Variants in CDH13 observed in about 807,000 individuals in gnomAD.
CDH13 encodes cadherin-13.
In CDH13, 24 loss-of-function variants were observed where a neutral mutation model predicts 63.8. That is an observed-to-expected ratio of 0.38 (90% CI 0.27 to 0.53). CDH13 has a LOEUF of 0.53. Among genes scored for constraint, CDH13 ranks in the 20% least tolerant of loss-of-function variants. CDH13 has a pLI of 0.85. For synonymous variants in CDH13, 503 were observed against 355.3 expected, an observed-to-expected ratio of 1.42 and a Z score of -4.67; for missense variants, 1,049 against 903.1, an observed-to-expected ratio of 1.16 and a Z score of -2.07.
At chr16:83,737,937 G>A (rs897392716) in intron 10 of CDH13, among the ~76,000 whole-genome samples, 1 of 152,294 alleles carries the variant, frequency 6.6e-6, no homozygotes, top group South Asian at 2.1e-4. Flanking sequence ...GTAAAATAAG[G>A]TGGTAATATC....
intron 3 of CDH13, among the ~76,000 whole-genome samples, chr16:83,033,519 ATATG>A (rs1916571645): frequency 6.6e-6 from 1 of 152,106 alleles, no homozygotes; most frequent in South Asian, 2.1e-4. Flanking sequence ...TATACTGTGT[ATATG>A]TATGTGTGTA....
intron 6 of CDH13, among the ~76,000 whole-genome samples, chr16:83,360,761 A>G (rs1195018112): frequency 6.6e-6 from 1 of 152,166 alleles, no homozygotes; most frequent in Non-Finnish European, 1.5e-5. Flanking sequence ...TTCCAGCTGT[A>G]TCCATGTTGC....
intron 5 of CDH13, among the ~76,000 whole-genome samples, chr16:83,319,485 A>G (rs2090175557): frequency 6.6e-6 from 1 of 152,218 alleles, no homozygotes; most frequent in African/African-American, 2.4e-5. Flanking sequence ...TGTTGTTTCT[A>G]GGCATGTGAA....
chr16:83,072,209 C>G (rs1204942764), intron 3 of CDH13, among the ~76,000 whole-genome samples: 1 of 152,108 alleles, frequency 6.6e-6, no homozygotes, highest in Non-Finnish European at 1.5e-5. Context: ...AGTGGAAATC[C>G]TTGCTCTGTA....
At chr16:83,248,198 A>C (rs1407101918) in intron 5 of CDH13, among the ~76,000 whole-genome samples, 1 of 152,130 alleles carries the variant, frequency 6.6e-6, no homozygotes, top group Non-Finnish European at 1.5e-5. Flanking sequence ...AAGCACAGGG[A>C]GAGCATCAAG....
intron 2 of CDH13, among the ~76,000 whole-genome samples, chr16:82,877,078 C>T (rs2040530960): frequency 6.6e-6 from 1 of 152,142 alleles, no homozygotes; most frequent in African/African-American, 2.4e-5. Context: ...ACTACCTTAA[C>T]AGAATCTCAG....
chr16:83,341,865 A>G (rs533096608), intron 5 of CDH13, among the ~76,000 whole-genome samples: 58 of 152,258 alleles, frequency 3.8e-4, no homozygotes, highest in Admixed American at 7.2e-4. Flanking sequence ...TGCGGTCTAG[A>G]AATCATTTTC....
intron 6 of CDH13, among the ~76,000 whole-genome samples, chr16:83,396,910 A>T (rs955410990): frequency 3.7e-4 from 57 of 152,146 alleles, no homozygotes; most frequent in African/African-American, 1.4e-3. Context: ...GGTAGCTTCT[A>T]TCATTGTCCC....
At chr16:83,342,892 G>A (rs2090759703) in intron 5 of CDH13, among the ~76,000 whole-genome samples, 1 of 97,646 alleles carries the variant, frequency 1.0e-5, no homozygotes, top group South Asian at 3.3e-4. Context: ...CAAGTCCTTG[G>A]CTATTTTGGG....
chr16:83,415,112 G>T (rs866816918), intron 6 of CDH13, among the ~76,000 whole-genome samples: 10 of 151,346 alleles, frequency 6.6e-5, no homozygotes, highest in African/African-American at 2.2e-4. Context: ...AAATAAAAAG[G>T]TTCATAAGAG....
intron 7 of CDH13, among the ~76,000 whole-genome samples, chr16:83,545,358 C>G (rs2075367668): frequency 6.6e-6 from 1 of 152,140 alleles, no homozygotes; most frequent in Non-Finnish European, 1.5e-5. Context: ...AATTATGTTC[C>G]TCTCTCCAGG....
At chr16:82,764,344 A>G (rs751079414) in intron 1 of CDH13, among the ~76,000 whole-genome samples, 1 of 152,072 alleles carries the variant, frequency 6.6e-6, no homozygotes, top group African/African-American at 2.4e-5. Context: ...AAGGATTCTC[A>G]TTTGTCTATT....
At chr16:83,250,244 A>G (rs1005942552) in intron 5 of CDH13, among the ~76,000 whole-genome samples, 13 of 152,170 alleles carry the variant, frequency 8.5e-5, no homozygotes, top group African/African-American at 2.9e-4. Context: ...TGAGCATTCA[A>G]AAAAGTCATT....
chr16:82,963,186 C>A (rs1454471946), intron 2 of CDH13, among the ~76,000 whole-genome samples: 1 of 148,384 alleles, frequency 6.7e-6, no homozygotes, highest in Non-Finnish European at 1.5e-5. Flanking sequence ...GCCTGGCCAA[C>A]ATGGTGAAAC....
intron 5 of CDH13, among the ~76,000 whole-genome samples, chr16:83,302,345 TG>T (rs1239208308): frequency 6.6e-6 from 1 of 152,224 alleles, no homozygotes; most frequent in African/African-American, 2.4e-5. Flanking sequence ...GATAATTCCA[TG>T]GCAATCAAAT....
At chr16:83,271,505 A>AAC (rs1555523017) in intron 5 of CDH13, among the ~76,000 whole-genome samples, 1 of 142,706 alleles carries the variant, frequency 7.0e-6, no homozygotes, top group Non-Finnish European at 1.5e-5. Context: ...TTATTTAAAA[A>AAC]AAAACAAAAC....
At chr16:83,015,608 T>A (rs1914678708) in intron 2 of CDH13, among the ~76,000 whole-genome samples, 1 of 144,742 alleles carries the variant, frequency 6.9e-6, no homozygotes, top group Admixed American at 7.1e-5. Flanking sequence ...TGATTCATTA[T>A]CGTAAATATC....
chr16:82,878,644 C>A lies in CDH13; in HGVS notation c.157+20171C>A, dbSNP rs138496312. Among the ~76,000 whole-genome samples the A allele has an allele frequency of 2.9e-3, 438 of 150,724 alleles. 3 individuals carry two copies. Among genetic ancestry groups the A allele is most frequent in the Non-Finnish European group, 3.8e-3 (257 of 67,794 alleles). On this transcript the variant is annotated intron_variant, in intron 2 of 13. Transcript: ENST00000567109. ...GATTTTCTCAGAGACTGGGTAGATT[C>A]GAGTGGAGCCTGGGGCATGGTTGTT...
rs919945720 is a variant in CDH13, at chr16:83,785,111, A to G, written c.2134+1639A>G. The stretch of plus-strand genomic sequence containing the variant: ...GCACAGATAATTCGGCTGTACAGCA[A>G]TTGGGCTAAACGTTGAGCAGGGGTG... On this transcript the variant is annotated intron_variant, in intron 13 of 13. Coordinates refer to ENST00000567109, the MANE Select transcript of CDH13 (RefSeq NM_001257.5). 7.9e-5 allele frequency among the ~76,000 whole-genome samples: 12 copies of G among 152,324 alleles called. No individual in the cohort carries two copies. In the South Asian group the frequency reaches 8.3e-4, roughly 11 times the overall value.
Sources: gnomAD v4.1 joint callset for allele counts (sites outside exome capture counted in the v4.1 genomes callset) on GRCh38, gnomAD v4.1.1 for gene constraint, MANE v1.5 for transcripts, NCBI Gene and HGNC (gene_info 2026-07-23, HGNC 2026-07-21) for gene names.